The following GRK1 variants were observed in gnomAD, a reference collection of about 807,000 sequenced individuals.
GRK1 encodes rhodopsin kinase GRK1.
In GRK1, 28 loss-of-function variants were observed where a neutral mutation model predicts 41.7. The ratio of observed to expected loss-of-function variants is 0.67; its 90% CI spans 0.50 to 0.92. The LOEUF is 0.92. Among genes scored for constraint, GRK1 ranks in the 40% least tolerant of loss-of-function variants. The pLI, the probability that GRK1 is intolerant of heterozygous loss-of-function variation, is 0.00. For missense variants in GRK1, 703 were observed against 671.2 expected, an observed-to-expected ratio of 1.05 and a Z score of -0.52; for synonymous variants, 327 against 286.7, an observed-to-expected ratio of 1.14 and a Z score of -1.42.
At chr13:113,732,859 G>A (rs1264690660) in intron 5 of GRK1, 25 bp from the exon 6 acceptor site, 3 of 1,531,502 alleles carry the variant, frequency 2.0e-6, no homozygotes, top group Admixed American at 3.9e-5. Flanking sequence ...GTCTGGCAGG[G>A]CTAAGGCTAC....
chr13:113,651,662 C>G, the GRK1 span: 1 of 1,609,892 alleles, frequency 6.2e-7, no homozygotes, highest in Non-Finnish European at 8.5e-7. Flanking sequence ...GCCGCGCGGC[C>G]GTACTCACCA....
chr13:113,732,796 G>A lies in GRK1; in HGVS notation c.1195-88G>A, dbSNP rs747967486. The A allele has an allele frequency of 1.0e-4, 140 of 1,406,286 alleles. 1 individual carries two copies. Among genetic ancestry groups the A allele is most frequent in the Middle Eastern group, 1.8e-4 (1 of 5,586 alleles). 87.1% of individuals were successfully genotyped at this position (1,406,286 alleles called of 1,614,324 possible). A position where few individuals can be genotyped will look rare whatever the true frequency, so the allele number is the denominator to read the frequency against. ...GGGTCCCCCACCCGCGTGGGTGAGC[G>A]GTGGCTCTTGTGGGAGGAGCTGTGG... On this transcript the variant is annotated intron_variant, in intron 5 of 6. Coordinates refer to ENST00000335678, the MANE Select transcript of GRK1 (RefSeq NM_002929.3).
At chr13:113,670,101 G>A (rs2049847011) in intron 2 of GRK1, among the ~76,000 whole-genome samples, 1 of 152,234 alleles carries the variant, frequency 6.6e-6, no homozygotes, top group South Asian at 2.1e-4. Context: ...TGGGGGACGT[G>A]TGATGCAGTC....
rs541452288 is a variant in GRK1, at chr13:113,733,791, G to A, written c.1396+706G>A. Among the ~76,000 whole-genome samples the A allele has an allele frequency of 2.2e-4, 30 of 137,790 alleles. 1 individual carries two copies. In the South Asian group the frequency reaches 6.2e-3, roughly 29 times the overall value. 90.4% of individuals were successfully genotyped at this position (137,790 alleles called of 152,430 possible). ...TGTGTGTGCATACGTGTGTGCATGT[G>A]TGTATGTGTATCTGTGTGCATACGT... is the stretch of plus-strand genomic sequence containing the variant. On this transcript the variant is annotated intron_variant, in intron 6 of 6. Transcript: ENST00000335678.
At chr13:113,733,230 C>T (rs546567493) in intron 6 of GRK1, 145 bp downstream of exon 6, 8 of 714,612 alleles carry the variant, frequency 1.1e-5, no homozygotes, top group Non-Finnish European at 1.8e-5. Flanking sequence ...GCAAGGCCCC[C>T]AGTCCTCCAC....
At chr13:113,657,852 G>A in the GRK1 span, among the ~76,000 whole-genome samples, 1 of 152,218 alleles carries the variant, frequency 6.6e-6, no homozygotes, top group Non-Finnish European at 1.5e-5. Flanking sequence ...GATGCTCTGG[G>A]GACCCTCGCT....
intron 4 of GRK1, among the ~76,000 whole-genome samples, chr13:113,725,291 G>A (rs1240526659): frequency 6.6e-5 from 10 of 151,016 alleles, no homozygotes; most frequent in Admixed American, 6.6e-4. Context: ...GGCCGGTCAT[G>A]CGCGGTCCTA....
chr13:113,733,859 A>G (rs1444700010), intron 6 of GRK1, among the ~76,000 whole-genome samples: 9 of 110,110 alleles, frequency 8.2e-5, no homozygotes, highest in African/African-American at 3.6e-4. Flanking sequence ...GTATGTGTGC[A>G]TACGTGTGTG....
At chr13:113,669,636 T>G (rs1416988854) in intron 1 of GRK1, 51 bp from the exon 2 acceptor site, 1 of 1,611,622 alleles carries the variant, frequency 6.2e-7, no homozygotes, top group Non-Finnish European at 8.5e-7. Flanking sequence ...GCGATGCACC[T>G]AGTCCCTTTC....
At chr13:113,653,698 G>T in the GRK1 span, among the ~76,000 whole-genome samples, 1 of 152,228 alleles carries the variant, frequency 6.6e-6, no homozygotes, top group Non-Finnish European at 1.5e-5. Context: ...CTCTCCACCG[G>T]GTGCCTGCTC....
chr13:113,729,160 C>T (rs1389923048), intron 4 of GRK1, among the ~76,000 whole-genome samples: 1 of 152,154 alleles, frequency 6.6e-6, no homozygotes, highest in Admixed American at 6.5e-5. Flanking sequence ...CATATGTGAG[C>T]CTGGTGTGGC....
At chr13:113,666,461 A>G (rs989640092), upstream of GRK1, among the ~76,000 whole-genome samples, 2 of 150,676 alleles carry the variant, frequency 1.3e-5, no homozygotes, top group African/African-American at 2.5e-5. Context: ...GGTGTTCCCC[A>G]GGTGTGTCCC....
intron 6 of GRK1, among the ~76,000 whole-genome samples, chr13:113,733,959 C>CGTGTGTAT (rs2049977906): frequency 8.6e-5 from 9 of 104,580 alleles, no homozygotes; most frequent in African/African-American, 3.4e-4. Context: ...TGTGTGCATA[C>CGTGTGTAT]GTGTGTGTGC....
chr13:113,660,921 T>C, the GRK1 span, among the ~76,000 whole-genome samples: 1 of 152,124 alleles, frequency 6.6e-6, no homozygotes, highest in Non-Finnish European at 1.5e-5. Flanking sequence ...TAGTTGGAGA[T>C]CTCAACACTC....
chr13:113,733,641 ATG>A (rs537198020), intron 6 of GRK1, among the ~76,000 whole-genome samples: 1,443 of 108,466 alleles, frequency 0.013, 75 homozygotes, highest in Non-Finnish European at 0.02. Flanking sequence ...GTGCTCATGT[ATG>A]TGTGCATACG....
At chr13:113,653,954 A>G in the GRK1 span, among the ~76,000 whole-genome samples, 1 of 152,252 alleles carries the variant, frequency 6.6e-6, no homozygotes, top group Non-Finnish European at 1.5e-5. Flanking sequence ...GTGGAAACAC[A>G]GATGCAGAAA....
chr13:113,667,376 G>A lies in GRK1; in HGVS notation c.-11G>A, dbSNP rs923150287. The A allele has an allele frequency of 1.9e-6, 3 of 1,541,680 alleles. No individual in the cohort carries two copies. Among genetic ancestry groups the A allele is most frequent in the Non-Finnish European group, 2.6e-6 (3 of 1,144,242 alleles). ...GGGCCCTCACGCCTGAAGCGGGCAG[G>A]AAGCTCCGGGATGGATTTCGGGTCT... On this transcript the variant is annotated 5_prime_UTR_variant, in exon 1 of 7. Coordinates refer to ENST00000335678, the MANE Select transcript of GRK1 (RefSeq NM_002929.3). This position sits in a 1 kb window ranked among gnomAD's most constrained non-coding sequence, Gnocchi z 7.5.
In GRK1 at chr13:113,667,830, C is replaced by G. The variant is rs572580478; in HGVS notation, c.444C>G (p.Pro148=). 3.1e-6 allele frequency: 5 copies of G among 1,593,836 alleles called. No individual in the cohort carries two copies. The East Asian group carries it at 1.1e-4, about 36-fold the overall frequency. ...PVEIQDGLFQ[P]LLQATLAHLG... ...AGATCCAGGACGGGCTCTTCCAGCC[C>G]CTGCTGCAGGCCACCCTGGCACACC... is the stretch of plus-strand genomic sequence containing the variant. The change falls in exon 1 of 7, where the codon CCC becomes CCG. Residue 148 remains proline (P), a synonymous_variant. Transcript: ENST00000335678. This position sits in a 1 kb window ranked among gnomAD's most constrained non-coding sequence, Gnocchi z 7.5.
intron 5 of GRK1, among the ~76,000 whole-genome samples, chr13:113,732,476 C>T (rs2049944156): frequency 6.6e-6 from 1 of 152,204 alleles, no homozygotes; most frequent in African/African-American, 2.4e-5. Flanking sequence ...ACTGGTGGGG[C>T]CTCTGATGGG....
Sources: gnomAD v4.1 joint callset for allele counts (sites outside exome capture counted in the v4.1 genomes callset) on GRCh38, gnomAD v4.1.1 for gene constraint, Gnocchi (gnomAD v3.1) non-coding constraint, MANE v1.5 for transcripts, NCBI Gene and HGNC (gene_info 2026-07-23, HGNC 2026-07-21) for gene names.